Variants in SLC10A7 observed in about 807,000 individuals in gnomAD.
The protein encoded by SLC10A7 is solute carrier family 10 member 7.
Under a neutral mutation model 43.2 loss-of-function variants are expected in SLC10A7, and 29 were observed. That is an observed-to-expected ratio of 0.67 (90% CI 0.50 to 0.92). The LOEUF is 0.92. Ranked by LOEUF, SLC10A7 falls within the 40% of genes least tolerant of loss-of-function variation. The pLI is 0.00. For synonymous variants in SLC10A7, 152 were observed against 144.8 expected (o/e 1.05, Z -0.35); for missense variants, 295 against 403.2 (o/e 0.73, Z 2.30).
intron 5 of SLC10A7, among the ~76,000 whole-genome samples, chr4:146,380,948 GT>G (rs1737574596): frequency 6.6e-6 from 1 of 152,048 alleles, no homozygotes; most frequent in Non-Finnish European, 1.5e-5. Context: ...CAGTTCCAAA[GT>G]TTCTAGGGAG....
At chr4:146,273,136 C>G (rs184495333) in intron 10 of SLC10A7, among the ~76,000 whole-genome samples, 2 of 152,118 alleles carry the variant, frequency 1.3e-5, no homozygotes, top group Admixed American at 6.6e-5. Context: ...CATTAGGAAG[C>G]GCAGTGACAA....
At chr4:146,433,321 C>T (rs2149874198) in intron 5 of SLC10A7, among the ~76,000 whole-genome samples, 1 of 151,406 alleles carries the variant, frequency 6.6e-6, no homozygotes, top group East Asian at 2.0e-4. Flanking sequence ...GCTACCATGC[C>T]CGGTACATAT....
intron 4 of SLC10A7, among the ~76,000 whole-genome samples, chr4:146,449,508 A>T (rs761141238): frequency 2.6e-5 from 4 of 152,098 alleles, no homozygotes; most frequent in Non-Finnish European, 4.4e-5. Context: ...CAGCAAAAAG[A>T]GATAGCGTGT....
At chr4:146,294,739 A>C (rs368977428) in intron 7 of SLC10A7, among the ~76,000 whole-genome samples, 11 of 152,328 alleles carry the variant, frequency 7.2e-5, no homozygotes, top group East Asian at 3.9e-4. Context: ...TTAACATTTA[A>C]AAATGAATAA....
At chr4:146,519,342 T>A in intron 1 of SLC10A7, among the ~76,000 whole-genome samples, 1 of 145,654 alleles carries the variant, frequency 6.9e-6, no homozygotes, top group African/African-American at 2.5e-5. Context: ...TATATAATAT[T>A]ATCTATATAT....
At chr4:146,297,673 T>C (rs1037277552) in intron 7 of SLC10A7, among the ~76,000 whole-genome samples, 1 of 152,234 alleles carries the variant, frequency 6.6e-6, no homozygotes, top group South Asian at 2.1e-4. Flanking sequence ...TAAATCCATA[T>C]AGTTTCATAA....
chr4:146,366,734 A>G (rs1380881502), intron 5 of SLC10A7, among the ~76,000 whole-genome samples: 3 of 152,186 alleles, frequency 2.0e-5, no homozygotes, highest in Non-Finnish European at 4.4e-5. Flanking sequence ...TGTAATAGAC[A>G]TTTACTATTT....
chr4:146,281,282 GCT>G (rs1180449188), intron 10 of SLC10A7, among the ~76,000 whole-genome samples: 1 of 151,996 alleles, frequency 6.6e-6, no homozygotes, highest in African/African-American at 2.4e-5. Context: ...TATGCGTTTT[GCT>G]CTTTGTTCAG....
chr4:146,352,612 C>G (rs1444179683), intron 5 of SLC10A7, among the ~76,000 whole-genome samples: 1 of 143,308 alleles, frequency 7.0e-6, no homozygotes, highest in Non-Finnish European at 1.5e-5. Flanking sequence ...CACACCTATT[C>G]CAAAATTGAC....
At chr4:146,448,431 T>C (rs1731300571) in intron 4 of SLC10A7, among the ~76,000 whole-genome samples, 1 of 152,082 alleles carries the variant, frequency 6.6e-6, no homozygotes, top group South Asian at 2.1e-4. Flanking sequence ...ATATGTCTCA[T>C]CCCTTTTATA....
At chr4:146,313,978 T>C (rs1368960394) in intron 6 of SLC10A7, among the ~76,000 whole-genome samples, 1 of 152,130 alleles carries the variant, frequency 6.6e-6, no homozygotes, top group Non-Finnish European at 1.5e-5. Context: ...AAAAAGTAAT[T>C]GTGTGCTGAT....
intron 7 of SLC10A7, among the ~76,000 whole-genome samples, chr4:146,300,794 T>C (rs1223116230): frequency 1.3e-5 from 2 of 152,226 alleles, no homozygotes; most frequent in Non-Finnish European, 2.9e-5. Context: ...TTTTCAGATA[T>C]GTTTTTCAGG....
At chr4:146,417,597 T>C (rs1178102332) in intron 5 of SLC10A7, among the ~76,000 whole-genome samples, 1 of 152,160 alleles carries the variant, frequency 6.6e-6, no homozygotes, top group Non-Finnish European at 1.5e-5. Context: ...CAATCCAAAC[T>C]CTCAAAATTT....
intron 5 of SLC10A7, among the ~76,000 whole-genome samples, chr4:146,402,216 A>G (rs1043919174): frequency 3.9e-5 from 6 of 152,170 alleles, no homozygotes; most frequent in African/African-American, 1.4e-4. Context: ...TGTTATATCT[A>G]TTTTATATCT....
intron 10 of SLC10A7, among the ~76,000 whole-genome samples, chr4:146,279,816 A>G (rs1416818733): frequency 1.3e-5 from 2 of 152,198 alleles, no homozygotes; most frequent in Non-Finnish European, 2.9e-5. Flanking sequence ...TTATAATTAA[A>G]GGTCAAATAG....
chr4:146,393,913 T>C (rs529546727), intron 5 of SLC10A7, among the ~76,000 whole-genome samples: 1 of 152,280 alleles, frequency 6.6e-6, no homozygotes, highest in South Asian at 2.1e-4. Flanking sequence ...GCATTCAGAG[T>C]AGGCCTGATA....
At chr4:146,428,232 T>C (rs1295555997) in intron 5 of SLC10A7, among the ~76,000 whole-genome samples, 1 of 152,174 alleles carries the variant, frequency 6.6e-6, no homozygotes, top group Non-Finnish European at 1.5e-5. Context: ...TAAAAAATCA[T>C]TTGAGTAACT....
intron 2 of SLC10A7, among the ~76,000 whole-genome samples, chr4:146,511,518 G>T (rs542483383): frequency 6.6e-6 from 1 of 152,216 alleles, no homozygotes; most frequent in Admixed American, 6.5e-5. Context: ...TCAACAGTAC[G>T]TTAATGCAGA....
intron 5 of SLC10A7, among the ~76,000 whole-genome samples, chr4:146,383,079 C>A (rs1035974005): frequency 6.6e-6 from 1 of 152,080 alleles, no homozygotes; most frequent in African/African-American, 2.4e-5. Flanking sequence ...CTATTGTGAC[C>A]TGCAGCCTCA....
Sources: allele counts gnomAD v4.1 joint callset (sites outside exome capture counted in the v4.1 genomes callset), GRCh38; gene constraint gnomAD v4.1.1; transcripts MANE v1.5; gene names NCBI Gene and HGNC (gene_info 2026-07-23, HGNC 2026-07-21).